Variants in HEXB observed in about 807,000 individuals in gnomAD.
HEXB encodes beta-hexosaminidase subunit beta.
In HEXB, 51 loss-of-function variants were observed where a neutral mutation model predicts 71.2. The ratio of observed to expected loss-of-function variants is 0.72; its 90% CI spans 0.57 to 0.90. The LOEUF (loss-of-function observed/expected upper bound fraction) is 0.90. HEXB is among the 40% of genes least tolerant of loss of function. HEXB has a pLI of 0.00. For synonymous variants in HEXB, 266 were observed against 249.3 expected (o/e 1.07, Z -0.63); for missense variants, 617 against 677.0 (o/e 0.91, Z 0.98).
chr5:74,713,536 C>T lies in HEXB; in HGVS notation c.802C>T (p.Pro268Ser), dbSNP rs377652697. The change falls in exon 7 of 14, where the codon CCA becomes TCA. Residue 268 changes from proline (P) to serine (S), a missense_variant. Coordinates refer to ENST00000261416, the MANE Select transcript of HEXB (RefSeq NM_000521.4). ...CTATTCTTTGTCTCATGTTTATACA[C>T]CAAATGATGTCCGTATGGTGATTGA... Reference protein sequence around the residue: ...GSYSLSHVYTPNDVRMVIEYA... With the variant: ...GSYSLSHVYTSNDVRMVIEYA... 1 of 1,611,126 alleles carries T rather than the reference C, an allele frequency of 6.2e-7. No individual in the cohort carries two copies. The highest frequency in any genetic ancestry group is 1.1e-5 in the South Asian group (1 of 91,030).
chr5:74,717,346 C>T (rs1045962710), intron 9 of HEXB, among the ~76,000 whole-genome samples: 1 of 152,050 alleles, frequency 6.6e-6, no homozygotes, highest in African/African-American at 2.4e-5. Context: ...GTAGCCATAG[C>T]CACAGGTGTC....
chr5:74,646,327 C>T (rs908927794), intron 1 of HEXB, among the ~76,000 whole-genome samples: 3 of 152,112 alleles, frequency 2.0e-5, no homozygotes, highest in African/African-American at 7.2e-5. Context: ...CTCTTATTTC[C>T]ACATCTGCTC....
At chr5:74,646,941 C>A (rs562534227) in intron 1 of HEXB, among the ~76,000 whole-genome samples, 2 of 152,264 alleles carry the variant, frequency 1.3e-5, no homozygotes, top group South Asian at 4.2e-4. Flanking sequence ...AGAAATCACA[C>A]GTTTTAAAAA....
chr5:74,650,252 A>C (rs1748077461), intron 1 of HEXB, among the ~76,000 whole-genome samples: 1 of 152,146 alleles, frequency 6.6e-6, no homozygotes, highest in African/African-American at 2.4e-5. Context: ...ACACAGTAAA[A>C]CCTCAATCGT....
At chr5:74,689,566 G>T in intron 2 of HEXB, 93 bp downstream of exon 2, 1 of 979,342 alleles carries the variant, frequency 1.0e-6, no homozygotes, top group Admixed American at 1.7e-5. Flanking sequence ...GAACCACTGA[G>T]TTCTCAACCA....
intron 5 of HEXB, among the ~76,000 whole-genome samples, chr5:74,702,100 A>T (rs1749276611): frequency 2.6e-5 from 2 of 78,066 alleles, no homozygotes; most frequent in Non-Finnish European, 2.2e-5. Flanking sequence ...TTTTTTTGAG[A>T]CGGAGTCTCG....
chr5:74,700,824 C>T (rs1376394506), intron 5 of HEXB, among the ~76,000 whole-genome samples: 3 of 152,100 alleles, frequency 2.0e-5, no homozygotes, highest in Non-Finnish European at 2.9e-5. Flanking sequence ...TCTTCTGCCT[C>T]AGCCTCCTAA....
upstream of HEXB, among the ~76,000 whole-genome samples, chr5:74,683,334 T>C (rs1748774145): frequency 6.6e-6 from 1 of 152,044 alleles, no homozygotes; most frequent in African/African-American, 2.4e-5. Context: ...GACAGAGTCT[T>C]ACTCTGTGGC....
At chr5:74,678,473 C>T (rs569310642) in intron 1 of HEXB, among the ~76,000 whole-genome samples, 1 of 151,868 alleles carries the variant, frequency 6.6e-6, no homozygotes, top group Non-Finnish European at 1.5e-5. Flanking sequence ...TGTTTTAAAT[C>T]AGTGAGGAAT....
At chr5:74,655,117 C>T (rs1022068115) in intron 1 of HEXB, among the ~76,000 whole-genome samples, 1 of 152,032 alleles carries the variant, frequency 6.6e-6, no homozygotes, top group Non-Finnish European at 1.5e-5. Context: ...GGGAAAGCCA[C>T]ACTAGTTTCT....
chr5:74,677,457 T>G (rs1748652014), intron 1 of HEXB, among the ~76,000 whole-genome samples: 1 of 151,756 alleles, frequency 6.6e-6, no homozygotes, highest in African/African-American at 2.4e-5. Flanking sequence ...TATTGCATTC[T>G]ATTAAACAGT....
intron 5 of HEXB, among the ~76,000 whole-genome samples, chr5:74,701,377 A>AT (rs1749257492): frequency 6.6e-6 from 1 of 152,106 alleles, no homozygotes; most frequent in Non-Finnish European, 1.5e-5. Flanking sequence ...AGTGTATCAA[A>AT]CCTATTAGGT....
intron 1 of HEXB, among the ~76,000 whole-genome samples, chr5:74,678,025 A>G (rs1748667948): frequency 6.6e-6 from 1 of 152,316 alleles, no homozygotes; most frequent in Middle Eastern, 3.4e-3. Context: ...AGCCAGGAGC[A>G]GTGGCTCACA....
At chr5:74,698,804 A>G (rs1408391174) in intron 5 of HEXB, among the ~76,000 whole-genome samples, 1 of 152,258 alleles carries the variant, frequency 6.6e-6, no homozygotes, top group African/African-American at 2.4e-5. Flanking sequence ...ATAAATGTGC[A>G]TAAAATAGGC....
At chr5:74,706,506 G>A (rs820826) in intron 6 of HEXB, among the ~76,000 whole-genome samples, 99,067 of 152,152 alleles carry the variant, frequency 0.65, 34,998 homozygotes, top group East Asian at 0.8. Flanking sequence ...TGCCTCACTC[G>A]GGAAGCGCAA....
At chr5:74,681,890 C>A (rs976963116), upstream of HEXB, among the ~76,000 whole-genome samples, 2 of 152,262 alleles carry the variant, frequency 1.3e-5, no homozygotes, top group African/African-American at 4.8e-5. Flanking sequence ...ATGTCACTTA[C>A]AAGATTACGC....
intron 11 of HEXB, among the ~76,000 whole-genome samples, chr5:74,719,771 GTC>G (rs567088443): frequency 8.6e-4 from 131 of 152,106 alleles, no homozygotes; most frequent in African/African-American, 3.0e-3. Context: ...GTGAAATTCT[GTC>G]TCTACTAAAA....
At chr5:74,720,821 A>AATGT in intron 13 of HEXB, 74 bp downstream of exon 13, 1 of 1,177,094 alleles carries the variant, frequency 8.5e-7, no homozygotes, top group Non-Finnish European at 1.3e-6. Flanking sequence ...TATAAATAGA[A>AATGT]ATGTATGTTA....
At chr5:74,702,001 A>C (rs1242401017) in intron 5 of HEXB, among the ~76,000 whole-genome samples, 1 of 151,118 alleles carries the variant, frequency 6.6e-6, no homozygotes, top group Non-Finnish European at 1.5e-5. Context: ...ATCCAAAATC[A>C]GGTGTTCCGT....
Sources: gnomAD v4.1 joint callset for allele counts (sites outside exome capture counted in the v4.1 genomes callset) on GRCh38, gnomAD v4.1.1 for gene constraint, MANE v1.5 for transcripts, NCBI Gene and HGNC (gene_info 2026-07-23, HGNC 2026-07-21) for gene names.